The following VTI1A variants were observed in gnomAD, a reference collection of about 807,000 sequenced individuals.
VTI1A encodes vesicle transport through interaction with t-SNAREs homolog 1A.
A neutral mutation model predicts 34.9 loss-of-function variants in VTI1A; 22 were observed. That is an observed-to-expected ratio of 0.63 (90% CI 0.45 to 0.90). The LOEUF is 0.90. VTI1A is among the 40% of genes least tolerant of loss of function. The pLI is 0.00. For missense variants in VTI1A, 268 were observed against 275.6 expected, an observed-to-expected ratio of 0.97 and a Z score of 0.20; for synonymous variants, 87 against 97.3, an observed-to-expected ratio of 0.89 and a Z score of 0.62.
chr10:112,464,682 A>C (rs749447485), intron 3 of VTI1A, 25 bp downstream of exon 3: 1 of 1,594,938 alleles, frequency 6.3e-7, no homozygotes, highest in Non-Finnish European at 8.6e-7. Context: ...ACCCTTTGTC[A>C]TATTTACTTT....
At chr10:112,505,011 G>A (rs1323567378) in intron 3 of VTI1A, among the ~76,000 whole-genome samples, 1 of 151,978 alleles carries the variant, frequency 6.6e-6, no homozygotes, top group Admixed American at 6.6e-5. Context: ...ATGCTTTGAA[G>A]ATTGTTCCTT....
chr10:112,702,688 C>T (rs1849052599), intron 7 of VTI1A, among the ~76,000 whole-genome samples: 1 of 152,146 alleles, frequency 6.6e-6, no homozygotes, highest in African/African-American at 2.4e-5. Context: ...TGGGTTCAAG[C>T]AATTCTCATG....
chr10:112,592,572 C>T (rs895781955), intron 5 of VTI1A, among the ~76,000 whole-genome samples: 1 of 152,204 alleles, frequency 6.6e-6, no homozygotes, highest in Non-Finnish European at 1.5e-5. Context: ...TTCATCTCTC[C>T]CTGACCAAAT....
chr10:112,633,594 G>A (rs773277782), intron 5 of VTI1A, among the ~76,000 whole-genome samples: 1 of 152,138 alleles, frequency 6.6e-6, no homozygotes, highest in South Asian at 2.1e-4. Flanking sequence ...GAAGAGATTG[G>A]AGAAAAGCAG....
intron 3 of VTI1A, among the ~76,000 whole-genome samples, chr10:112,521,777 G>A (rs1850036759): frequency 6.6e-6 from 1 of 151,844 alleles, no homozygotes; most frequent in Non-Finnish European, 1.5e-5. Flanking sequence ...ACCTTAAATT[G>A]CTTTTTGCTA....
At chr10:112,506,585 C>G (rs141787205) in intron 3 of VTI1A, among the ~76,000 whole-genome samples, 1 of 152,334 alleles carries the variant, frequency 6.6e-6, no homozygotes, top group Non-Finnish European at 1.5e-5. Context: ...TCACCTGTCT[C>G]TCACCATTTT....
intron 2 of VTI1A, among the ~76,000 whole-genome samples, chr10:112,461,238 G>A (rs1313506375): frequency 6.6e-6 from 1 of 152,206 alleles, no homozygotes; most frequent in Non-Finnish European, 1.5e-5. Context: ...CCTAGAAAAT[G>A]TGCCACTTTC....
At chr10:112,447,918 C>A (rs1846986431) in intron 1 of VTI1A, among the ~76,000 whole-genome samples, 1 of 152,142 alleles carries the variant, frequency 6.6e-6, no homozygotes, top group Non-Finnish European at 1.5e-5. Flanking sequence ...TGCCTAGATT[C>A]AAATCCTACC....
intron 7 of VTI1A, among the ~76,000 whole-genome samples, chr10:112,683,263 C>T (rs1042171240): frequency 6.6e-5 from 10 of 152,208 alleles, no homozygotes; most frequent in Non-Finnish European, 1.5e-4. Flanking sequence ...ATTCCCCAAA[C>T]ACTGGGCTAA....
At chr10:112,736,417 C>T (rs1850473578) in intron 7 of VTI1A, among the ~76,000 whole-genome samples, 2 of 152,024 alleles carry the variant, frequency 1.3e-5, no homozygotes, top group South Asian at 2.1e-4. Flanking sequence ...AAGAATGGTG[C>T]CCGGCACGTA....
chr10:112,482,224 T>C (rs1848482648), intron 3 of VTI1A, among the ~76,000 whole-genome samples: 1 of 152,204 alleles, frequency 6.6e-6, no homozygotes, highest in Admixed American at 6.5e-5. Context: ...GAAAGAGTTT[T>C]GGTTCATAAG....
chr10:112,741,413 A>G (rs4918767), intron 7 of VTI1A, among the ~76,000 whole-genome samples: 150,585 of 152,304 alleles, frequency 0.99, 74,467 homozygotes, highest in East Asian at 1. Context: ...CCAGGATCAC[A>G]CTACTTTACT....
intron 3 of VTI1A, among the ~76,000 whole-genome samples, chr10:112,467,872 C>T (rs1466851866): frequency 1.3e-5 from 2 of 152,064 alleles, no homozygotes; most frequent in African/African-American, 2.4e-5. Context: ...AGGCACTGTC[C>T]GAGGTGCTAG....
At chr10:112,579,549 T>TA (rs1843842148) in intron 5 of VTI1A, among the ~76,000 whole-genome samples, 1 of 151,644 alleles carries the variant, frequency 6.6e-6, no homozygotes, top group Non-Finnish European at 1.5e-5. Flanking sequence ...AAATAAAAAC[T>TA]AAAAAAAGGT....
chr10:112,565,169 C>T (rs1461827212), intron 5 of VTI1A, among the ~76,000 whole-genome samples: 4 of 152,082 alleles, frequency 2.6e-5, no homozygotes, highest in African/African-American at 9.7e-5. Flanking sequence ...CAGTGGGCCT[C>T]TGTTTAGTTG....
chr10:112,455,615 TTTCCCTCCTTCCTTTGTTCC>T (rs1393412396), intron 1 of VTI1A, among the ~76,000 whole-genome samples: 1 of 124,220 alleles, frequency 8.1e-6, no homozygotes, highest in Non-Finnish European at 1.7e-5. Context: ...TGCTTTGTTC[TTTCCCTCCTTCCTTTGTTCC>T]TTCCCTCCTT....
the VTI1A span, among the ~76,000 whole-genome samples, chr10:112,852,075 TA>T: frequency 6.6e-6 from 1 of 152,236 alleles, no homozygotes; most frequent in East Asian, 1.9e-4. Flanking sequence ...AGCTCTAAGC[TA>T]AATTTGAAAC....
chr10:112,651,334 G>A (rs967716100), intron 5 of VTI1A, among the ~76,000 whole-genome samples: 1 of 152,084 alleles, frequency 6.6e-6, no homozygotes, highest in African/African-American at 2.4e-5. Flanking sequence ...TTTTGAGATG[G>A]AGTTTCACTG....
chr10:112,613,302 C>T (rs971411637), intron 5 of VTI1A, among the ~76,000 whole-genome samples: 2 of 152,042 alleles, frequency 1.3e-5, no homozygotes, highest in African/African-American at 2.4e-5. Context: ...TCTTTTGCTG[C>T]GTTTGTCTTT....
Sources: allele counts gnomAD v4.1 joint callset (sites outside exome capture counted in the v4.1 genomes callset), GRCh38; gene constraint gnomAD v4.1.1; transcripts MANE v1.5; gene names NCBI Gene and HGNC (gene_info 2026-07-23, HGNC 2026-07-21).